Variants in PRRT1B observed in about 807,000 individuals in gnomAD.
PRRT1B encodes dispanin subfamily D member 2.
At chr9:131,555,854 TGGGACTGAGGGCTCAGC>T (rs1588551851) in intron 2 of PRRT1B, among the ~76,000 whole-genome samples, 199 bp from the exon 3 acceptor site, 1 of 151,608 alleles carries the variant, frequency 6.6e-6, no homozygotes, top group African/African-American at 2.4e-5. Flanking sequence ...GAGGGCTCAG[TGGGACTGAGGGCTCAGC>T]GGGGCTGAGT....
At chr9:131,556,304 C>T (rs1487787030) in intron 3 of PRRT1B, 91 bp downstream of exon 3, 8 of 398,876 alleles carry the variant, frequency 2.0e-5, no homozygotes, top group Admixed American at 4.4e-5. Context: ...TCCAGCAACA[C>T]GGTCTCTGGT....
chr9:131,554,824 T>A, exon 2 of PRRT1B: 1 of 363,102 alleles, frequency 2.8e-6, no homozygotes, highest in East Asian at 4.0e-5. Flanking sequence ...GCCCCCCACA[T>A]CGGCTTCGTT....
intron 3 of PRRT1B, among the ~76,000 whole-genome samples, chr9:131,557,163 C>A (rs1436284035): frequency 2.6e-5 from 4 of 152,178 alleles, no homozygotes; most frequent in African/African-American, 9.7e-5. Flanking sequence ...ATCCATCCAT[C>A]CACTCACCCA....
chr9:131,545,745 G>GGTACTGGCGGGGCAA, intron 1 of PRRT1B, 105 bp downstream of exon 1: 1 of 404,250 alleles, frequency 2.5e-6, no homozygotes, highest in Non-Finnish European at 4.3e-6. Context: ...TGGCGGGGCA[G>GGTACTGGCGGGGCAA]GTGCTGGCGG....
At chr9:131,554,729 G>A (rs990075205) in exon 2 of PRRT1B, 24 of 336,132 alleles carry the variant, frequency 7.1e-5, no homozygotes, top group African/African-American at 5.2e-4. Context: ...ACGGGGCCGC[G>A]GGGGGCAGCG....
intron 2 of PRRT1B, among the ~76,000 whole-genome samples, chr9:131,555,517 C>T (rs1328660868): frequency 6.6e-6 from 1 of 151,772 alleles, no homozygotes; most frequent in Non-Finnish European, 1.5e-5. Flanking sequence ...CTCTACTAAA[C>T]GTAAAAAAAT....
At chr9:131,555,985 T>C in intron 2 of PRRT1B, 85 bp from the exon 3 acceptor site, 4 of 398,798 alleles carry the variant, frequency 1.0e-5, no homozygotes, top group Non-Finnish European at 1.8e-5. Flanking sequence ...GTGAGAGAGC[T>C]TGCATGGCCT....
chr9:131,548,238 G>T (rs1035162143), intron 1 of PRRT1B, among the ~76,000 whole-genome samples: 1 of 151,524 alleles, frequency 6.6e-6, no homozygotes, highest in Non-Finnish European at 1.5e-5. Context: ...TTTCCTGGGG[G>T]GCAAGCATCC....
At chr9:131,555,124 G>GCAGAGGAGGAAAC in intron 2 of PRRT1B, 95 bp downstream of exon 2, 1 of 381,648 alleles carries the variant, frequency 2.6e-6, no homozygotes, top group South Asian at 1.4e-4. Context: ...TTCTGTCCCT[G>GCAGAGGAGGAAAC]GGGGCGGGCG....
rs1269031131 is a variant in PRRT1B at position 131,552,234 on chromosome 9, G to A, written c.26-2323G>A. Among the ~76,000 whole-genome samples, 4 of 152,244 alleles carry A rather than the reference G, an allele frequency of 2.6e-5. No homozygotes were observed. The East Asian group carries it at 7.7e-4, about 29-fold the overall frequency. On this transcript the variant is annotated intron_variant, in intron 1 of 3. Transcript: ENST00000636672. Reference sequence around the variant, plus strand: ...CTCACTCTGTAGTCCAGGCTGGAGTGCAGTGGTTCAATCACAGCTCACTGC... The same window carrying A: ...CTCACTCTGTAGTCCAGGCTGGAGTACAGTGGTTCAATCACAGCTCACTGC...
At chr9:131,549,489 C>T (rs974079383) in intron 1 of PRRT1B, among the ~76,000 whole-genome samples, 7 of 152,212 alleles carry the variant, frequency 4.6e-5, no homozygotes, top group Non-Finnish European at 8.8e-5. Context: ...ACTCCCAGAG[C>T]CCCTGGAACT....
At chr9:131,558,436 G>C (rs182477812) in exon 4 of PRRT1B, 4 of 371,826 alleles carry the variant, frequency 1.1e-5, no homozygotes, top group African/African-American at 8.3e-5. Context: ...CTAATCCAAG[G>C]TGTCTCCAGA....
downstream of PRRT1B, among the ~76,000 whole-genome samples, chr9:131,559,027 C>T (rs965140257): frequency 1.3e-5 from 2 of 152,218 alleles, no homozygotes; most frequent in African/African-American, 4.8e-5. Flanking sequence ...CTGGGGAGCA[C>T]TTGCACCAAG....
intron 1 of PRRT1B, among the ~76,000 whole-genome samples, chr9:131,546,157 C>G (rs953727881): frequency 6.6e-6 from 1 of 152,152 alleles, no homozygotes; most frequent in African/African-American, 2.4e-5. Context: ...CTCACCGCCC[C>G]GGCCAGGCTG....
intron 1 of PRRT1B, among the ~76,000 whole-genome samples, chr9:131,548,328 C>T (rs956061551): frequency 1.3e-5 from 2 of 151,978 alleles, no homozygotes; most frequent in East Asian, 1.9e-4. Context: ...CCCTCTATTC[C>T]TCCTTCTTCT....
chr9:131,546,744 G>A (rs1950978144), intron 1 of PRRT1B, among the ~76,000 whole-genome samples: 1 of 151,992 alleles, frequency 6.6e-6, no homozygotes, highest in Non-Finnish European at 1.5e-5. Flanking sequence ...CTGAGAACCT[G>A]AGAACCCACC....
intron 3 of PRRT1B, among the ~76,000 whole-genome samples, chr9:131,556,829 C>T (rs865860108): frequency 6.6e-5 from 10 of 152,028 alleles, no homozygotes; most frequent in Admixed American, 1.3e-4. Context: ...GATGAGGTTT[C>T]GCCATGTTGG....
At chr9:131,558,053 G>A in exon 4 of PRRT1B, 1 of 399,566 alleles carries the variant, frequency 2.5e-6, no homozygotes, top group Non-Finnish European at 4.4e-6. Context: ...CTCGTTGCAG[G>A]CCCGTGCAGC....
In PRRT1B at chr9:131,551,244, C is replaced by T. The variant is rs146669223; in HGVS notation, c.26-3313C>T. 4.5e-4 allele frequency among the ~76,000 whole-genome samples: 68 copies of T among 152,004 alleles called. No homozygotes were observed. Among genetic ancestry groups the T allele is most frequent in the Middle Eastern group, 3.4e-3 (1 of 294 alleles). ...GGTGTGAGCCACCGCGCCCGACCTG[C>T]GTTTAGTTTTTCAATTCATACAAAA... On this transcript the variant is annotated intron_variant, in intron 1 of 3. Coordinates refer to ENST00000636672, the Ensembl canonical transcript of PRRT1B. This position sits in a 1 kb window ranked among gnomAD's most constrained non-coding sequence, Gnocchi z 4.4.
Sources: allele counts gnomAD v4.1 joint callset (sites outside exome capture counted in the v4.1 genomes callset), GRCh38; gene constraint gnomAD v4.1.1; non-coding constraint Gnocchi (gnomAD v3.1); transcripts MANE v1.5; gene names NCBI Gene and HGNC (gene_info 2026-07-23, HGNC 2026-07-21).